Variants in DKK2 observed in about 807,000 individuals in gnomAD.
DKK2 encodes dickkopf-related protein 2.
Under a neutral mutation model 28.1 loss-of-function variants are expected in DKK2, and 11 were observed. That is an observed-to-expected ratio of 0.39 (90% CI 0.25 to 0.65). DKK2 has a LOEUF of 0.65. Ranked by LOEUF, DKK2 falls within the 30% of genes least tolerant of loss-of-function variation. DKK2 has a pLI of 0.47. For synonymous variants in DKK2, 135 were observed against 126.5 expected, an observed-to-expected ratio of 1.07 and a Z score of -0.45; for missense variants, 326 against 335.5, an observed-to-expected ratio of 0.97 and a Z score of 0.22.
intron 1 of DKK2, among the ~76,000 whole-genome samples, chr4:107,028,399 G>A (rs1723825170): frequency 6.6e-6 from 1 of 152,164 alleles, no homozygotes; most frequent in Non-Finnish European, 1.5e-5. Flanking sequence ...TGTAATGGCA[G>A]TGGTAATGAT....
chr4:107,024,158 A>C (rs989844307), intron 1 of DKK2, among the ~76,000 whole-genome samples: 1 of 152,108 alleles, frequency 6.6e-6, no homozygotes, highest in African/African-American at 2.4e-5. Context: ...CCAAAATATG[A>C]CCCTAAAGCT....
At chr4:106,989,783 A>G (rs1199498207) in intron 1 of DKK2, among the ~76,000 whole-genome samples, 1 of 152,210 alleles carries the variant, frequency 6.6e-6, no homozygotes, top group Non-Finnish European at 1.5e-5. Context: ...AAGGAAACTG[A>G]TGGCATATTC....
chr4:106,958,656 T>C (rs1017705231), intron 1 of DKK2, among the ~76,000 whole-genome samples: 4 of 151,658 alleles, frequency 2.6e-5, no homozygotes, highest in African/African-American at 9.7e-5. Flanking sequence ...GCCAACATGG[T>C]GAAACCCCGT....
At chr4:106,978,663 T>G (rs1722979255) in intron 1 of DKK2, among the ~76,000 whole-genome samples, 1 of 152,118 alleles carries the variant, frequency 6.6e-6, no homozygotes, top group African/African-American at 2.4e-5. Context: ...CAATCGATCT[T>G]AGCTTGCTGG....
At chr4:106,935,544 C>A (rs989077958) in intron 1 of DKK2, among the ~76,000 whole-genome samples, 2 of 152,224 alleles carry the variant, frequency 1.3e-5, no homozygotes, top group Non-Finnish European at 2.9e-5. Context: ...GGGTGAGGGG[C>A]GCCTGCCATT....
At chr4:106,980,310 T>C in intron 1 of DKK2, among the ~76,000 whole-genome samples, 1 of 152,252 alleles carries the variant, frequency 6.6e-6, no homozygotes, top group Non-Finnish European at 1.5e-5. Context: ...TCTATGTGTA[T>C]GTACATATAT....
chr4:106,986,812 T>G (rs914218603), intron 1 of DKK2, among the ~76,000 whole-genome samples: 3 of 152,220 alleles, frequency 2.0e-5, no homozygotes, highest in African/African-American at 7.2e-5. Flanking sequence ...TTCTTTACTA[T>G]TCTCTCTGTA....
rs938437432 is a variant in DKK2, at chr4:106,990,492, G to A, written c.222+44878C>T. ...GACCAAGTACAGAGGGAAACAAAGG[G>A]ATTAATATCTACAACCACACTCCTC... On this transcript the variant is annotated intron_variant, in intron 1 of 3. Transcript: ENST00000285311. 5.9e-5 allele frequency among the ~76,000 whole-genome samples: 9 copies of A among 152,282 alleles called. 1 individual carries two copies. The highest frequency in any genetic ancestry group is 5.9e-4 in the Admixed American group (9 of 15,294).
intron 1 of DKK2, among the ~76,000 whole-genome samples, chr4:106,934,507 A>T (rs1461329592): frequency 6.6e-6 from 1 of 152,236 alleles, no homozygotes; most frequent in Non-Finnish European, 1.5e-5. Flanking sequence ...TAACATTCAA[A>T]TACATACACA....
At chr4:107,000,488 G>A (rs536835717) in intron 1 of DKK2, among the ~76,000 whole-genome samples, 2 of 152,166 alleles carry the variant, frequency 1.3e-5, no homozygotes, top group East Asian at 1.9e-4. Context: ...CTACTCAAAA[G>A]GCAAAAGGGA....
intron 2 of DKK2, 43 bp downstream of exon 2, chr4:106,925,756 A>G (rs756476903): frequency 6.4e-7 from 1 of 1,569,808 alleles, no homozygotes. Context: ...GCTTATGATG[A>G]TGAAAAGAAA....
intron 1 of DKK2, among the ~76,000 whole-genome samples, chr4:106,964,170 A>G (rs1025236977): frequency 6.6e-6 from 1 of 152,220 alleles, no homozygotes; most frequent in Non-Finnish European, 1.5e-5. Flanking sequence ...AAGATTATTC[A>G]GCCATAAAAA....
chr4:106,924,117 G>A lies in DKK2; in HGVS notation c.617C>T (p.Pro206Leu). Reference protein sequence around the residue: ...ARHFWTKICKPVLHQGEVCTK... With the variant: ...ARHFWTKICKLVLHQGEVCTK... ...ACAGACTTCCCCCTGATGGAGCACT[G>A]GTTTGCAGATTTTGGTCCAGAAATG... is the stretch of plus-strand genomic sequence containing the variant. Residue 206 changes from proline to leucine, a missense_variant, in exon 4 of 4, where the codon CCA becomes CTA. By Grantham distance (98) the Pro-to-Leu change is moderately conservative. Coordinates refer to ENST00000285311, the MANE Select transcript of DKK2 (RefSeq NM_014421.3). 6.2e-7 allele frequency: 1 copy of A among 1,613,958 alleles called. No homozygotes were observed. Among genetic ancestry groups the A allele is most frequent in the South Asian group, 1.1e-5 (1 of 91,090 alleles).
intron 1 of DKK2, among the ~76,000 whole-genome samples, chr4:106,931,472 T>C (rs1047376449): frequency 6.6e-6 from 1 of 152,152 alleles, no homozygotes; most frequent in Non-Finnish European, 1.5e-5. Context: ...CTTAAAATTT[T>C]TTGGTGTGTG....
chr4:107,017,915 A>AT (rs1391230135), intron 1 of DKK2, among the ~76,000 whole-genome samples: 4 of 152,174 alleles, frequency 2.6e-5, no homozygotes, highest in African/African-American at 9.6e-5. Context: ...AAAAACACCC[A>AT]TTTCAGTACA....
At chr4:106,926,557 G>A (rs926163123) in intron 1 of DKK2, among the ~76,000 whole-genome samples, 3 of 152,048 alleles carry the variant, frequency 2.0e-5, no homozygotes, top group Non-Finnish European at 4.4e-5. Flanking sequence ...TTCCAAACAC[G>A]GTGATAAGCA....
chr4:106,983,385 AAAAG>A (rs1247382535), intron 1 of DKK2, among the ~76,000 whole-genome samples: 2 of 151,092 alleles, frequency 1.3e-5, no homozygotes, highest in Admixed American at 6.6e-5. Context: ...GAAAAGAAAG[AAAAG>A]AAAAAGAAAA....
intron 1 of DKK2, among the ~76,000 whole-genome samples, chr4:107,006,391 C>G (rs1037719514): frequency 4.6e-5 from 7 of 152,098 alleles, no homozygotes; most frequent in African/African-American, 1.7e-4. Context: ...AACTAAACCC[C>G]AGGGAGGAAG....
intron 1 of DKK2, among the ~76,000 whole-genome samples, chr4:106,971,725 C>T (rs561239205): frequency 6.6e-6 from 1 of 151,982 alleles, no homozygotes; most frequent in East Asian, 1.9e-4. Flanking sequence ...ATAATGAGAC[C>T]CCTCCTTTGT....
Sources: allele counts gnomAD v4.1 joint callset (sites outside exome capture counted in the v4.1 genomes callset), GRCh38; gene constraint gnomAD v4.1.1; transcripts MANE v1.5; gene names NCBI Gene and HGNC (gene_info 2026-07-23, HGNC 2026-07-21).